C2CD5: variants seen among roughly 807,000 people sequenced by gnomAD.
C2CD5 encodes the protein C2 calcium dependent domain containing 5.
In C2CD5, 109 loss-of-function variants were observed where a neutral mutation model predicts 130.3. That is an observed-to-expected ratio of 0.84 (90% CI 0.72 to 0.98). The LOEUF is 0.98. Ranked by LOEUF, C2CD5 falls within the 50% of genes least tolerant of loss-of-function variation. The probability of loss-of-function intolerance (pLI) is 0.00; values close to 1 mark genes in which losing one functional copy is unlikely to be tolerated. For synonymous variants in C2CD5, 454 were observed against 429.2 expected (o/e 1.06, Z -0.71); for missense variants, 996 against 1,261.8 (o/e 0.79, Z 3.19).
rs896723501 is a variant in C2CD5 at position 22,544,492 on chromosome 12, C to T, written c.-202G>A. On this transcript the variant is annotated 5_prime_UTR_variant, in exon 1 of 27. Transcript: ENST00000446597. ...TCTGCCGCCCCTGCTTGTCTCTCCTCCCCCGCTCTCAAAAATGGCGGCTCT... is the reference window on the plus strand; with the variant it reads ...TCTGCCGCCCCTGCTTGTCTCTCCTTCCCCGCTCTCAAAAATGGCGGCTCT... 2.1e-5 allele frequency: 4 copies of T among 193,266 alleles called. No individual in the cohort carries two copies. Among genetic ancestry groups the T allele is most frequent in the African/African-American group, 9.4e-5 (4 of 42,446 alleles). The allele number at this position is 193,266 out of a possible 1,614,324, so 12.0% of individuals were successfully genotyped here. A position where few individuals can be genotyped will look rare whatever the true frequency, so the allele number is the denominator to read the frequency against.
chr12:22,520,871 A>C (rs977657001), intron 7 of C2CD5, among the ~76,000 whole-genome samples: 2 of 152,142 alleles, frequency 1.3e-5, no homozygotes. Flanking sequence ...CACACCATTA[A>C]TGTAGGTAAA....
Position 22,524,473 on chromosome 12 carries a change from T to C in C2CD5, c.600A>G (p.Ser200=). 1.2e-6 allele frequency: 2 copies of C among 1,612,852 alleles called. No homozygotes were observed. Among genetic ancestry groups the C allele is most frequent in the Non-Finnish European group, 1.7e-6 (2 of 1,179,516 alleles). Residue 200 remains serine (S), a splice_region_variant and synonymous_variant, in exon 6 of 27, where the codon TCA becomes TCG. Transcript: ENST00000446597. The part of the protein sequence containing the change: ...EARQRLISLM[S]GELQRKIGLK... ...AATAAAGTTATTTTTTTTAAATACC[T>C]GACATTAACGAAATGAGTCTCTGTC...
At chr12:22,513,263 G>T (rs761642182) in intron 9 of C2CD5, 31 bp downstream of exon 9, 1 of 1,409,012 alleles carries the variant, frequency 7.1e-7, no homozygotes, top group Non-Finnish European at 1.0e-6. Flanking sequence ...TATTAACAGT[G>T]TAAGAACAAA....
At chr12:22,504,241 C>CAT (rs1948174859) in intron 10 of C2CD5, among the ~76,000 whole-genome samples, 1 of 151,850 alleles carries the variant, frequency 6.6e-6, no homozygotes, top group Non-Finnish European at 1.5e-5. Context: ...CCTGTTCTCC[C>CAT]AGACTCTATA....
At chr12:22,478,786 C>T (rs568427719) in intron 14 of C2CD5, among the ~76,000 whole-genome samples, 1 of 151,680 alleles carries the variant, frequency 6.6e-6, no homozygotes, top group East Asian at 2.0e-4. Context: ...GCAGAGGTTG[C>T]AGTGAGTCAG....
rs747984792 is a variant in C2CD5, at chr12:22,515,055, AGAG to A, written c.953-1679_953-1677del. The A allele has an allele frequency of 4.0e-5, 39 of 985,108 alleles. No individual in the cohort carries two copies. The East Asian group carries it at 1.0e-3, about 26-fold the overall frequency. 61.0% of individuals were successfully genotyped at this position (985,108 alleles called of 1,614,324 possible). A position where few individuals can be genotyped will look rare whatever the true frequency, so the allele number is the denominator to read the frequency against. ...TGATGAGGGGTAAGGCTAGATTCCG[AGAG>A]GAGGAGACAGGACTTTTTAAGATGA... On this transcript the variant is annotated intron_variant, in intron 8 of 26. Coordinates refer to ENST00000446597, the MANE Select transcript of C2CD5 (RefSeq NM_001286176.2).
At chr12:22,486,086 C>A (rs1381260964) in intron 12 of C2CD5, among the ~76,000 whole-genome samples, 1 of 151,404 alleles carries the variant, frequency 6.6e-6, no homozygotes, top group African/African-American at 2.4e-5. Flanking sequence ...ATTCAAATTT[C>A]TCTATGGGAT....
intron 12 of C2CD5, among the ~76,000 whole-genome samples, chr12:22,489,376 T>C (rs557262852): frequency 1.4e-4 from 22 of 152,018 alleles, no homozygotes; most frequent in Non-Finnish European, 2.9e-4. Context: ...TTGGCATGTA[T>C]GGATTCAACC....
chr12:22,479,799 T>G (rs961684303), intron 14 of C2CD5, among the ~76,000 whole-genome samples: 2 of 152,058 alleles, frequency 1.3e-5, no homozygotes, highest in African/African-American at 4.8e-5. Flanking sequence ...TTTATATATA[T>G]CCTTATGAGC....
intron 21 of C2CD5, among the ~76,000 whole-genome samples, chr12:22,470,268 T>C (rs1283360598): frequency 6.6e-6 from 1 of 152,154 alleles, no homozygotes; most frequent in African/African-American, 2.4e-5. Context: ...ATCAGGAATA[T>C]TTCATTTAGC....
Position 22,480,608 on chromosome 12 carries a change from G to A in C2CD5, c.1737+1949C>T, listed in dbSNP as rs117148891. Among the ~76,000 whole-genome samples, 740 of 152,268 alleles carry A rather than the reference G, an allele frequency of 4.9e-3. 12 individuals are homozygous for A. The East Asian group carries it at 0.051, about 10-fold the overall frequency. On this transcript the variant is annotated intron_variant, in intron 14 of 26. Transcript: ENST00000446597. Reference sequence around the variant, plus strand: ...TCAACCATCAAAAACGTTTGTTATAGCTAGCAAAATGTTTTTTAAACCCCT... The same window carrying A: ...TCAACCATCAAAAACGTTTGTTATAACTAGCAAAATGTTTTTTAAACCCCT...
chr12:22,519,286 C>A (rs550193152), intron 7 of C2CD5: 2 of 1,480,278 alleles, frequency 1.4e-6, no homozygotes, highest in Non-Finnish European at 1.8e-6. Flanking sequence ...ACAATACATA[C>A]AACAGATTGC....
intron 8 of C2CD5, among the ~76,000 whole-genome samples, chr12:22,514,024 T>C (rs183051694): frequency 7.9e-5 from 12 of 152,272 alleles, no homozygotes; most frequent in East Asian, 7.7e-4. Flanking sequence ...CAAATGTACA[T>C]AGTTATGAAT....
chr12:22,466,244 A>T (rs1367610262), intron 22 of C2CD5, among the ~76,000 whole-genome samples: 1 of 152,066 alleles, frequency 6.6e-6, no homozygotes, highest in Non-Finnish European at 1.5e-5. Context: ...AAATTTTAAC[A>T]ATCATCCTAT....
intron 10 of C2CD5, among the ~76,000 whole-genome samples, chr12:22,498,282 T>A (rs1469853838): frequency 6.6e-6 from 1 of 152,122 alleles, no homozygotes; most frequent in Non-Finnish European, 1.5e-5. Flanking sequence ...ACAGGACGTC[T>A]GCCTGGCTTA....
chr12:22,460,403 TTAAG>T (rs1157431124), intron 22 of C2CD5: 1 of 152,176 alleles, frequency 6.6e-6, no homozygotes, highest in Non-Finnish European at 1.5e-5. Context: ...ATAGTATAGT[TTAAG>T]TATAGATAGA....
chr12:22,460,530 TTGC>T (rs1202136570), intron 22 of C2CD5: 3 of 152,182 alleles, frequency 2.0e-5, no homozygotes, highest in Admixed American at 6.5e-5. Context: ...CCATAGAATG[TTGC>T]TGCTAATTGA....
At chr12:22,493,054 C>T (rs934792418) in intron 11 of C2CD5, among the ~76,000 whole-genome samples, 169 bp downstream of exon 11, 1 of 152,170 alleles carries the variant, frequency 6.6e-6, no homozygotes, top group African/African-American at 2.4e-5. Context: ...CAAAGTTACA[C>T]AGTCACTAAC....
intron 10 of C2CD5, among the ~76,000 whole-genome samples, chr12:22,506,333 G>C (rs1948531131): frequency 6.6e-6 from 1 of 152,102 alleles, no homozygotes; most frequent in Non-Finnish European, 1.5e-5. Flanking sequence ...AAAAATACCT[G>C]TTTTAAGAAC....
Sources: gnomAD v4.1 joint callset for allele counts (sites outside exome capture counted in the v4.1 genomes callset) on GRCh38, gnomAD v4.1.1 for gene constraint, MANE v1.5 for transcripts, NCBI Gene and HGNC (gene_info 2026-07-23, HGNC 2026-07-21) for gene names.